PFKM: variants seen among roughly 807,000 people sequenced by gnomAD.
The protein encoded by PFKM is phosphofructokinase, muscle.
PFKM carries 58 observed loss-of-function variants against 95.5 expected under a neutral mutation model. The ratio of observed to expected loss-of-function variants is 0.61; its 90% CI spans 0.49 to 0.76. PFKM has a LOEUF of 0.76. PFKM is among the 30% of genes least tolerant of loss of function. The pLI, the probability that PFKM is intolerant of heterozygous loss-of-function variation, is 0.00. For synonymous variants in PFKM, 336 were observed against 357.2 expected (o/e 0.94, Z 0.67); for missense variants, 678 against 1,005.4 (o/e 0.67, Z 4.40).
intron 1 of PFKM, chr12:48,122,451 A>C (rs2137851300): frequency 3.9e-6 from 2 of 516,200 alleles, no homozygotes; most frequent in East Asian, 1.3e-4. Context: ...TCCCTTTCTC[A>C]TTTCTATTCA....
chr12:48,111,710 A>G (rs930156168), intron 3 of PFKM, among the ~76,000 whole-genome samples: 11 of 152,188 alleles, frequency 7.2e-5, no homozygotes, highest in African/African-American at 2.7e-4. Flanking sequence ...AAAGAAGGAA[A>G]CATGGGCAAA....
At position 48,145,720 on chromosome 12, in the gene PFKM, G is replaced by T. The variant is rs1368448353; in HGVS notation, c.*12G>T. 2 of 1,613,704 alleles carry T rather than the reference G, an allele frequency of 1.2e-6. No individual in the cohort carries two copies. The highest frequency in any genetic ancestry group is 2.7e-5 in the African/African-American group (2 of 74,908). On this transcript the variant is annotated 3_prime_UTR_variant, in exon 23 of 23. Transcript: ENST00000359794. The surrounding 1 kb of genome is among the most constrained non-coding windows in gnomAD (Gnocchi z 4.3). ...AAGCTGCCGTCTAAACCTCTCTGGA[G>T]TGAGGGGAATAGATTACCTGATCAT...
chr12:48,116,037 T>G (rs549122775), upstream of PFKM, among the ~76,000 whole-genome samples: 1 of 152,290 alleles, frequency 6.6e-6, no homozygotes, highest in East Asian at 1.9e-4. Flanking sequence ...TGCACCACTT[T>G]ACATTCCTAC....
intron 10 of PFKM, among the ~76,000 whole-genome samples, chr12:48,135,889 T>A (rs1950033208): frequency 6.6e-6 from 1 of 151,590 alleles, no homozygotes; most frequent in Admixed American, 6.6e-5. Flanking sequence ...CTCATTATTA[T>A]TATTATTATT....
intron 1 of PFKM, 117 bp downstream of exon 1, chr12:48,119,523 A>C: frequency 7.7e-6 from 4 of 520,442 alleles, no homozygotes; most frequent in Non-Finnish European, 9.9e-6. Context: ...AAGAAGAGAT[A>C]CGGCATCCTA....
intron 7 of PFKM, 84 bp downstream of exon 7, chr12:48,134,360 C>G: frequency 1.3e-5 from 15 of 1,144,898 alleles, no homozygotes; most frequent in Non-Finnish European, 1.9e-5. Flanking sequence ...TGAGGTCTCT[C>G]AGTAGCAGCA....
Position 48,141,733 on chromosome 12 carries a change from C to T in PFKM, c.1413-7C>T. On this transcript the variant is annotated splice_polypyrimidine_tract_variant and splice_region_variant and intron_variant, in intron 15 of 22. Transcript: ENST00000359794. ...CCTTCCCCTCCCCGCCATCACTGAT[C>T]AACTAGGACTCTACCCAAGAAGAGC... 1 of 1,601,312 alleles carries T rather than the reference C, an allele frequency of 6.2e-7. No homozygotes were observed. Among genetic ancestry groups the T allele is most frequent in the East Asian group, 2.2e-5 (1 of 44,786 alleles).
chr12:48,120,552 A>G (rs1331234896), intron 1 of PFKM, among the ~76,000 whole-genome samples: 9 of 152,242 alleles, frequency 5.9e-5, no homozygotes. Flanking sequence ...GTAAAAGACC[A>G]GATAGTAAAT....
upstream of PFKM, among the ~76,000 whole-genome samples, chr12:48,117,230 C>T (rs1947755270): frequency 6.6e-6 from 1 of 152,166 alleles, no homozygotes. Context: ...TGTTTATTCA[C>T]CTTTTGAGGG....
At chr12:48,123,981 G>A (rs533671626) in intron 2 of PFKM, among the ~76,000 whole-genome samples, 8 of 152,084 alleles carry the variant, frequency 5.3e-5, no homozygotes, top group African/African-American at 1.7e-4. Flanking sequence ...CAGGCACATC[G>A]TAAATACTCA....
At chr12:48,116,656 T>C (rs146308249), upstream of PFKM, among the ~76,000 whole-genome samples, 27 of 152,254 alleles carry the variant, frequency 1.8e-4, no homozygotes, top group African/African-American at 6.3e-4. Context: ...TTTTTTGTAT[T>C]TTTGTAGAGA....
chr12:48,136,692 CTTTTTTTTTTTTTT>C, intron 10 of PFKM, among the ~76,000 whole-genome samples: 1 of 63,022 alleles, frequency 1.6e-5, no homozygotes, highest in East Asian at 4.7e-4. Context: ...GGGGTCGTCA[CTTTTTTTTTTTTTT>C]TTTTTTTTTT....
chr12:48,143,287 G>A (rs928826172), intron 18 of PFKM, among the ~76,000 whole-genome samples: 1 of 152,226 alleles, frequency 6.6e-6, no homozygotes, highest in South Asian at 2.1e-4. Flanking sequence ...AAACTCCTAA[G>A]TGAGCAGATG....
rs1247353753 is a variant in PFKM at position 48,142,058 on chromosome 12, A to G, written c.1645A>G (p.Ile549Val). 3 of 1,614,164 alleles carry G rather than the reference A, an allele frequency of 1.9e-6. No individual in the cohort carries two copies. Among genetic ancestry groups the G allele is most frequent in the East Asian group, 2.2e-5 (1 of 44,892 alleles). ...TGGGGCTGACACAGCACTCAATACT[A>G]TCTGCACAGTGAGAGCCTATCACCA... ...SVGADTALNTICTTCDRIKQS... is the reference protein window; with the variant it reads ...SVGADTALNTVCTTCDRIKQS... Residue 549 changes from isoleucine (I) to valine (V), a missense_variant, in exon 17 of 23, where the codon ATC becomes GTC. Transcript: ENST00000359794.
chr12:48,120,227 T>G (rs1156794690), intron 1 of PFKM, among the ~76,000 whole-genome samples: 2 of 152,224 alleles, frequency 1.3e-5, no homozygotes, highest in Non-Finnish European at 2.9e-5. Flanking sequence ...CTATGTTCCT[T>G]TCACTGTTTG....
At chr12:48,142,408 G>C in intron 17 of PFKM, 1 of 435,018 alleles carries the variant, frequency 2.3e-6, no homozygotes, top group South Asian at 2.1e-5. Context: ...GGGAGGCGGA[G>C]GTTGCAGTGA....
chr12:48,141,507 G>A, intron 15 of PFKM, 126 bp downstream of exon 15: 1 of 876,468 alleles, frequency 1.1e-6, no homozygotes, highest in Non-Finnish European at 1.9e-6. Context: ...CAACCTCACA[G>A]TTGCTGCCAT....
rs1950238864 is a variant in PFKM, at chr12:48,137,840, C to T, written c.1056C>T (p.Val352=). ...TGCGCCTGCCCCTCATGGAATGTGT[C>T]CAGGTGGTAAGTACTGATCCTAAAC... ...QAVRLPLMEC[V]QVTKDVTKAM... The change falls in exon 11 of 23, where the codon GTC becomes GTT. Residue 352 remains valine, a synonymous_variant. Transcript: ENST00000359794. 3 of 1,614,098 alleles carry T rather than the reference C, an allele frequency of 1.9e-6. No individual in the cohort carries two copies. Among genetic ancestry groups the T allele is most frequent in the Non-Finnish European group, 2.5e-6 (3 of 1,179,970 alleles).
In PFKM at chr12:48,142,911, A is replaced by G. The variant is rs769349171; in HGVS notation, c.1783A>G (p.Ile595Val). The G allele has an allele frequency of 1.9e-6, 3 of 1,614,040 alleles. No individual in the cohort carries two copies. The highest frequency in any genetic ancestry group is 2.2e-5 in the South Asian group (2 of 91,062). ...GGCAGCTGGGGCCGATGCTGCCTACATTTTTGAGGAGCCCTTCACCATTCG... is the reference window on the plus strand; with the variant it reads ...GGCAGCTGGGGCCGATGCTGCCTACGTTTTTGAGGAGCCCTTCACCATTCG... ...GLAAGADAAY[I>V]FEEPFTIRDL... The change falls in exon 18 of 23, where the codon ATT becomes GTT. Residue 595 changes from isoleucine to valine, a missense_variant. Transcript: ENST00000359794.
Sources: allele counts gnomAD v4.1 joint callset (sites outside exome capture counted in the v4.1 genomes callset), GRCh38; gene constraint gnomAD v4.1.1; non-coding constraint Gnocchi (gnomAD v3.1); transcripts MANE v1.5; gene names NCBI Gene and HGNC (gene_info 2026-07-23, HGNC 2026-07-21).